TARDBP: variants seen among roughly 807,000 people sequenced by gnomAD.
TARDBP encodes the protein TAR DNA binding protein, also known as TAR DNA-binding protein 43.
TARDBP carries 4 observed loss-of-function variants against 38.3 expected under a neutral mutation model. That is an observed-to-expected ratio of 0.10 (90% CI 0.05 to 0.24). The LOEUF (loss-of-function observed/expected upper bound fraction) is 0.24. TARDBP is among the 10% of genes least tolerant of loss of function. TARDBP has a pLI of 1.00. For missense variants in TARDBP, 202 were observed against 521.9 expected, an observed-to-expected ratio of 0.39 and a Z score of 5.97; for synonymous variants, 184 against 183.8, an observed-to-expected ratio of 1.00 and a Z score of -0.01.
intron 5 of TARDBP, 140 bp downstream of exon 5, chr1:11,020,739 CTAT>C (rs1643620108): frequency 1.4e-6 from 1 of 714,580 alleles, no homozygotes; most frequent in Non-Finnish European, 2.2e-6. Context: ...AACCCCGTCT[CTAT>C]TAAAATACAA....
At chr1:11,021,055 A>G (rs1643627471) in intron 5 of TARDBP, among the ~76,000 whole-genome samples, 1 of 152,200 alleles carries the variant, frequency 6.6e-6, no homozygotes, top group Non-Finnish European at 1.5e-5. Flanking sequence ...TGTATCTGAT[A>G]TCACAAATAC....
At chr1:11,029,282 G>C (rs747156147), downstream of TARDBP, among the ~76,000 whole-genome samples, 2 of 151,468 alleles carry the variant, frequency 1.3e-5, no homozygotes, top group Non-Finnish European at 2.9e-5. Context: ...TTACAGGCGT[G>C]AGCCACCATG....
intron 4 of TARDBP, 32 bp from the exon 5 acceptor site, chr1:11,020,395 TTC>T: frequency 1.2e-6 from 2 of 1,613,526 alleles, no homozygotes. Flanking sequence ...CATAACATAT[TTC>T]TGAGTTTTTT....
chr1:11,014,525 A>G (rs3765897), intron 2 of TARDBP, among the ~76,000 whole-genome samples: 7,029 of 152,260 alleles, frequency 0.046, 336 homozygotes, highest in East Asian at 0.21. Context: ...TAATTTCAGC[A>G]TTTTGAAGTA....
At chr1:11,015,309 A>T (rs890030719) in intron 2 of TARDBP, among the ~76,000 whole-genome samples, 1 of 151,222 alleles carries the variant, frequency 6.6e-6, no homozygotes, top group Non-Finnish European at 1.5e-5. Flanking sequence ...AACATGGTGA[A>T]ACCCTGTCTC....
At chr1:11,030,106 C>A, downstream of TARDBP, 1 of 1,122,972 alleles carries the variant, frequency 8.9e-7, no homozygotes, top group South Asian at 1.3e-5. Flanking sequence ...AGCTAAAGCT[C>A]TCCTCACTGT....
downstream of TARDBP, chr1:11,026,560 G>T: frequency 5.0e-6 from 1 of 198,912 alleles, no homozygotes; most frequent in Non-Finnish European, 1.0e-5. Flanking sequence ...AGCATGGACA[G>T]GCAGTTTACA....
rs544440576 is a variant in TARDBP at position 11,013,155 on chromosome 1, G to C, written c.-13+412G>C. Reference sequence around the variant, plus strand: ...GCCGGCACCGCCAGGACCTGTCGCCGCGGGCCTTGGGGCTCGGGCTCGCAG... The same window carrying C: ...GCCGGCACCGCCAGGACCTGTCGCCCCGGGCCTTGGGGCTCGGGCTCGCAG... On this transcript the variant is annotated intron_variant, in intron 1 of 5. Coordinates refer to ENST00000240185, the MANE Select transcript of TARDBP (RefSeq NM_007375.4). Among the ~76,000 whole-genome samples the C allele has an allele frequency of 4.1e-3, 625 of 152,366 alleles. 7 individuals are homozygous for C. Among genetic ancestry groups the C allele is most frequent in the African/African-American group, 0.014 (570 of 41,584 alleles).
chr1:11,012,852 C>G (rs900756922), intron 1 of TARDBP, 109 bp downstream of exon 1: 1 of 152,302 alleles, frequency 6.6e-6, no homozygotes, highest in African/African-American at 2.4e-5. Flanking sequence ...GGAAGTCAGC[C>G]GTGAGACCGG....
chr1:11,028,719 T>G (rs1305804022), downstream of TARDBP, among the ~76,000 whole-genome samples: 389 of 134,084 alleles, frequency 2.9e-3, 1 homozygote, highest in South Asian at 8.5e-3. Context: ...TTTTTTTTTT[T>G]TTTTTTTTTT....
chr1:11,025,828 C>T (rs745379336), downstream of TARDBP: 1 of 154,782 alleles, frequency 6.5e-6, no homozygotes, highest in East Asian at 1.9e-4. Context: ...AGGAAGTTAA[C>T]TACTCCGTAA....
At chr1:11,016,670 T>G (rs1643531477) in intron 2 of TARDBP, among the ~76,000 whole-genome samples, 174 bp from the exon 3 acceptor site, 1 of 152,226 alleles carries the variant, frequency 6.6e-6, no homozygotes, top group African/African-American at 2.4e-5. Flanking sequence ...CCTCAGACAC[T>G]AAACTTAAGC....
chr1:11,013,393 C>T (rs535897951), intron 1 of TARDBP, among the ~76,000 whole-genome samples: 9 of 152,316 alleles, frequency 5.9e-5, no homozygotes, highest in Admixed American at 2.0e-4. Context: ...CATAAAATAG[C>T]TACTGTTTAT....
At chr1:11,021,264 GA>G (rs1643632916) in intron 5 of TARDBP, among the ~76,000 whole-genome samples, 1 of 151,910 alleles carries the variant, frequency 6.6e-6, no homozygotes, top group South Asian at 2.1e-4. Flanking sequence ...TCAGCCTCCT[GA>G]GTAGCTGGGA....
intron 3 of TARDBP, among the ~76,000 whole-genome samples, 187 bp downstream of exon 3, chr1:11,017,194 T>C (rs1163571396): frequency 1.5e-5 from 2 of 136,570 alleles, no homozygotes; most frequent in African/African-American, 2.8e-5. Context: ...CACAATCTTG[T>C]TACCTTTCTT....
chr1:11,028,915 G>A (rs758692444), downstream of TARDBP, among the ~76,000 whole-genome samples: 13 of 150,076 alleles, frequency 8.7e-5, no homozygotes, highest in African/African-American at 2.4e-4. Context: ...GGGTTTCACC[G>A]TTTTAGCCAG....
downstream of TARDBP, chr1:11,030,190 G>A (rs773474969): frequency 3.1e-6 from 5 of 1,612,512 alleles, no homozygotes; most frequent in Admixed American, 8.4e-5. Context: ...CTCACAGACT[G>A]GGAGTGATTT....
chr1:11,030,218 T>G, downstream of TARDBP: 1 of 1,613,876 alleles, frequency 6.2e-7, no homozygotes, highest in South Asian at 1.1e-5. Context: ...TTGGAGCTCG[T>G]CCAGAATCCA....
At chr1:11,019,623 G>A (rs1302864605) in intron 4 of TARDBP, among the ~76,000 whole-genome samples, 5 of 151,830 alleles carry the variant, frequency 3.3e-5, no homozygotes, top group Admixed American at 6.6e-5. Flanking sequence ...CTGGAGTGCA[G>A]TGGTGCAATC....
Sources: gnomAD v4.1 joint callset for allele counts (sites outside exome capture counted in the v4.1 genomes callset) on GRCh38, gnomAD v4.1.1 for gene constraint, MANE v1.5 for transcripts, NCBI Gene and HGNC (gene_info 2026-07-23, HGNC 2026-07-21) for gene names.